Variants in GREB1 observed in about 807,000 individuals in gnomAD.
The protein encoded by GREB1 is growth regulating estrogen receptor binding 1, also known as protein GREB1.
Under a neutral mutation model 200.7 loss-of-function variants are expected in GREB1, and 106 were observed. The ratio of observed to expected loss-of-function variants is 0.53; its 90% CI spans 0.45 to 0.62. GREB1 has a LOEUF of 0.62. GREB1 is among the 20% of genes least tolerant of loss of function. The pLI is 0.00. For missense variants in GREB1, 2,243 were observed against 2,556.8 expected (o/e 0.88, Z 2.65); for synonymous variants, 1,132 against 1,092.4 (o/e 1.04, Z -0.72).
At chr2:11,586,922 C>T (rs891332847) in intron 9 of GREB1, among the ~76,000 whole-genome samples, 18 of 152,020 alleles carry the variant, frequency 1.2e-4, no homozygotes, top group Admixed American at 9.8e-4. Flanking sequence ...TGTTTTTTTA[C>T]GTGGCCATGG....
intron 2 of GREB1, among the ~76,000 whole-genome samples, chr2:11,562,162 G>A (rs1677122821): frequency 6.6e-6 from 1 of 152,232 alleles, no homozygotes; most frequent in Admixed American, 6.5e-5. Context: ...GGAGTCATGA[G>A]GCCCAGGTCT....
At chr2:11,561,228 A>G (rs1676991072) in intron 2 of GREB1, 2 of 152,308 alleles carry the variant, frequency 1.3e-5, no homozygotes, top group East Asian at 1.9e-4. Flanking sequence ...GACCAAGTGT[A>G]GTATCTGTTC....
In GREB1 at chr2:11,612,622, G is replaced by A; in HGVS notation, c.3122+12G>A. On this transcript the variant is annotated intron_variant, in intron 19 of 32. Coordinates refer to ENST00000381486, the MANE Select transcript of GREB1 (RefSeq NM_014668.4). ...GAGTCCTTGCCGAGGTGAGTGGAGG[G>A]GTTATGCCCCTGGGGGTCTCTGAGG... is the stretch of plus-strand genomic sequence containing the variant. The A allele has an allele frequency of 6.4e-7, 1 of 1,563,104 alleles. No homozygotes were observed. The highest frequency in any genetic ancestry group is 8.8e-7 in the Non-Finnish European group (1 of 1,135,248).
chr2:11,489,757 T>C (rs1288482540), intron 1 of GREB1, among the ~76,000 whole-genome samples: 1 of 152,124 alleles, frequency 6.6e-6, no homozygotes, highest in East Asian at 1.9e-4. Context: ...CCACCACTTC[T>C]TGACAATCTA....
At chr2:11,628,925 A>G (rs1200383802) in intron 25 of GREB1, among the ~76,000 whole-genome samples, 1 of 152,212 alleles carries the variant, frequency 6.6e-6, no homozygotes, top group African/African-American at 2.4e-5. Context: ...GTGCGGGTGC[A>G]GAGGCCGCGT....
chr2:11,542,425 A>G lies in GREB1; in HGVS notation c.-162+8171A>G, dbSNP rs375416410. On this transcript the variant is annotated intron_variant, in intron 1 of 32. Transcript: ENST00000381486. ...TGGGATCATCGGCAGAGTCAATGCC[A>G]TTCCCTTGCAGATCCACTCTCCCGT... is the stretch of plus-strand genomic sequence containing the variant. 1.3e-3 allele frequency among the ~76,000 whole-genome samples: 202 copies of G among 152,200 alleles called. 1 individual carries two copies. The highest frequency in any genetic ancestry group is 4.6e-3 in the African/African-American group (192 of 41,540).
At chr2:11,625,112 A>C (rs1442597352) in intron 23 of GREB1, 42 bp from the exon 24 acceptor site, 1 of 1,505,000 alleles carries the variant, frequency 6.6e-7, no homozygotes, top group African/African-American at 1.4e-5. Flanking sequence ...AATCATTTTC[A>C]CTTCCTATTT....
chr2:11,547,027 C>T (rs1025373884), intron 1 of GREB1, among the ~76,000 whole-genome samples: 3 of 149,528 alleles, frequency 2.0e-5, no homozygotes, highest in African/African-American at 7.5e-5. Flanking sequence ...CTCACGCAAT[C>T]TCTGCCTCCT....
intron 1 of GREB1, among the ~76,000 whole-genome samples, chr2:11,487,982 G>T (rs1198439147): frequency 2.6e-5 from 4 of 152,190 alleles, no homozygotes; most frequent in African/African-American, 9.7e-5. Flanking sequence ...CCTCGACAGA[G>T]GTGGTTCGCC....
At chr2:11,511,994 A>G (rs1335500553) in intron 1 of GREB1, among the ~76,000 whole-genome samples, 1 of 152,170 alleles carries the variant, frequency 6.6e-6, no homozygotes, top group Non-Finnish European at 1.5e-5. Flanking sequence ...ATCTCGGTCC[A>G]GTCTCATTGC....
intron 1 of GREB1, among the ~76,000 whole-genome samples, chr2:11,537,190 C>CT (rs1674332200): frequency 6.6e-6 from 1 of 152,146 alleles, no homozygotes; most frequent in East Asian, 1.9e-4. Context: ...GATTGAACTC[C>CT]TGACCACAGG....
intron 7 of GREB1, among the ~76,000 whole-genome samples, chr2:11,582,576 A>G (rs1363513903): frequency 2.0e-5 from 3 of 152,164 alleles, no homozygotes; most frequent in African/African-American, 7.2e-5. Context: ...CGGGGCTCCC[A>G]GCCGTCCCAG....
chr2:11,526,143 C>A (rs1340251733), intron 1 of GREB1, among the ~76,000 whole-genome samples: 1 of 152,076 alleles, frequency 6.6e-6, no homozygotes, highest in Non-Finnish European at 1.5e-5. Flanking sequence ...TGGATAGAGC[C>A]CTAGTTTTAT....
chr2:11,538,910 C>CCTGT (rs1491417613), intron 1 of GREB1, among the ~76,000 whole-genome samples: 10 of 20,332 alleles, frequency 4.9e-4, no homozygotes, highest in Admixed American at 1.1e-3. Flanking sequence ...TTCCTTCCTT[C>CCTGT]CCCCTCCCCT....
At chr2:11,484,294 T>A (rs904274715) in intron 1 of GREB1, among the ~76,000 whole-genome samples, 1 of 152,202 alleles carries the variant, frequency 6.6e-6, no homozygotes, top group African/African-American at 2.4e-5. Flanking sequence ...TTGAAACAAT[T>A]AAACGGAACA....
chr2:11,538,607 GTGTT>G (rs1558510400), intron 1 of GREB1, among the ~76,000 whole-genome samples: 11 of 144,658 alleles, frequency 7.6e-5, no homozygotes, highest in Non-Finnish European at 1.1e-4. Flanking sequence ...ACAGGAGCTT[GTGTT>G]TCTTTCTTTC....
intron 17 of GREB1, among the ~76,000 whole-genome samples, chr2:11,605,001 T>C (rs1008653598): frequency 2.6e-5 from 4 of 152,086 alleles, no homozygotes; most frequent in Non-Finnish European, 5.9e-5. Context: ...TTTATTCTAA[T>C]ATATTGTCTA....
chr2:11,488,603 C>T (rs1290208590), intron 1 of GREB1, among the ~76,000 whole-genome samples: 1 of 151,882 alleles, frequency 6.6e-6, no homozygotes, highest in Non-Finnish European at 1.5e-5. Flanking sequence ...CCAGCCTGGC[C>T]AACATGGTGA....
intron 11 of GREB1, among the ~76,000 whole-genome samples, 181 bp from the exon 12 acceptor site, chr2:11,595,070 T>C (rs1407615268): frequency 4.6e-5 from 7 of 151,132 alleles, no homozygotes; most frequent in African/African-American, 1.7e-4. Flanking sequence ...GCCTCTGCCA[T>C]GTGTCAGGCA....
Sources: allele counts gnomAD v4.1 joint callset (sites outside exome capture counted in the v4.1 genomes callset), GRCh38; gene constraint gnomAD v4.1.1; transcripts MANE v1.5; gene names NCBI Gene and HGNC (gene_info 2026-07-23, HGNC 2026-07-21).